LY96: variants seen among roughly 807,000 people sequenced by gnomAD.
LY96 encodes myeloid differentiation protein-2.
A neutral mutation model predicts 18.9 loss-of-function variants in LY96; 18 were observed. That is an observed-to-expected ratio of 0.95 (90% CI 0.66 to 1.41). The LOEUF (loss-of-function observed/expected upper bound fraction) is 1.41, where lower values mean the gene tolerates loss of function less well. Ranked by LOEUF, LY96 falls within the 40% of genes most tolerant of loss-of-function variation. The pLI is 0.00. For synonymous variants in LY96, 66 were observed against 62.6 expected, an observed-to-expected ratio of 1.06 and a Z score of -0.26; for missense variants, 175 against 182.4, an observed-to-expected ratio of 0.96 and a Z score of 0.23.
the LY96 span, among the ~76,000 whole-genome samples, chr8:74,069,395 C>T: frequency 6.6e-6 from 1 of 151,998 alleles, no homozygotes; most frequent in South Asian, 2.1e-4. Flanking sequence ...AGAAGTGTGC[C>T]CTTCATGCAC....
the LY96 span, among the ~76,000 whole-genome samples, chr8:74,083,865 T>G: frequency 6.6e-6 from 1 of 151,898 alleles, no homozygotes; most frequent in Non-Finnish European, 1.5e-5. Context: ...CTAATTTTTT[T>G]TTTTAGAGAT....
chr8:74,024,273 T>C (rs1469375317), intron 3 of LY96, among the ~76,000 whole-genome samples: 1 of 151,658 alleles, frequency 6.6e-6, no homozygotes, highest in Non-Finnish European at 1.5e-5. Context: ...AAATGAAATA[T>C]GATTCAATTT....
chr8:74,099,379 A>G, the LY96 span: 1 of 152,236 alleles, frequency 6.6e-6, no homozygotes, highest in Admixed American at 6.5e-5. Context: ...TCTGCTGCTG[A>G]TATCAACCAA....
chr8:74,088,083 A>AAGAAAAGAATAGAATAGAAT, the LY96 span, among the ~76,000 whole-genome samples: 6 of 120,428 alleles, frequency 5.0e-5, no homozygotes, highest in Non-Finnish European at 8.6e-5. Context: ...TCACTGAGAG[A>AAGAAAAGAATAGAATAGAAT]AGAATAGAAT....
the LY96 span, among the ~76,000 whole-genome samples, chr8:74,062,894 A>T: frequency 6.6e-6 from 1 of 152,190 alleles, no homozygotes; most frequent in Non-Finnish European, 1.5e-5. Context: ...TATGCTATTA[A>T]TGTACAACTT....
the LY96 span, among the ~76,000 whole-genome samples, chr8:74,068,994 C>T: frequency 6.6e-6 from 1 of 152,172 alleles, no homozygotes; most frequent in African/African-American, 2.4e-5. Flanking sequence ...AGGGTTTCAC[C>T]ACGTTGGTCT....
At chr8:74,007,316 G>T (rs1046515773) in intron 2 of LY96, among the ~76,000 whole-genome samples, 13 of 152,294 alleles carry the variant, frequency 8.5e-5, no homozygotes, top group South Asian at 8.3e-4. Flanking sequence ...AGGGAAATTT[G>T]AGGGACATAC....
Position 74,012,196 on chromosome 8 carries a change from C to T in LY96, c.331+2067C>T, listed in dbSNP as rs139268367. Among the ~76,000 whole-genome samples, 2 of 152,190 alleles carry T rather than the reference C, an allele frequency of 1.3e-5. 1 individual carries two copies. The highest frequency in any genetic ancestry group is 2.9e-5 in the Non-Finnish European group (2 of 67,998). On this transcript the variant is annotated intron_variant, in intron 3 of 4. Coordinates refer to ENST00000284818, the MANE Select transcript of LY96 (RefSeq NM_015364.5). ...GCAATTTCACTACTAGGTATCTACT[C>T]AAAGGAAAAGAAATCAATATATCAA...
chr8:74,037,860 A>T, the LY96 span, among the ~76,000 whole-genome samples: 1 of 152,114 alleles, frequency 6.6e-6, no homozygotes, highest in Non-Finnish European at 1.5e-5. Flanking sequence ...CTAATTTCAG[A>T]TTCTAGCCCT....
the LY96 span, among the ~76,000 whole-genome samples, chr8:74,081,048 T>TTC: frequency 2.9e-3 from 280 of 96,850 alleles, 3 homozygotes; most frequent in African/African-American, 8.0e-3. Context: ...CTTTCTTTCT[T>TTC]TTTCTTTCTT....
chr8:74,079,972 C>T, the LY96 span, among the ~76,000 whole-genome samples: 1 of 152,084 alleles, frequency 6.6e-6, no homozygotes, highest in Non-Finnish European at 1.5e-5. Context: ...TGGGATACTC[C>T]AATGAGGACA....
intron 3 of LY96, among the ~76,000 whole-genome samples, chr8:74,010,850 A>T (rs1816516251): frequency 6.7e-6 from 1 of 149,464 alleles, no homozygotes; most frequent in Non-Finnish European, 1.5e-5. Flanking sequence ...CTAAGACATG[A>T]CTCTCCTACT....
the LY96 span, among the ~76,000 whole-genome samples, chr8:74,062,306 G>T: frequency 0.02 from 3,070 of 152,084 alleles, 113 homozygotes; most frequent in African/African-American, 0.069. Flanking sequence ...GTAAATGTGT[G>T]CCATGGTGGT....
the LY96 span, among the ~76,000 whole-genome samples, chr8:74,034,687 T>C: frequency 6.6e-6 from 1 of 152,200 alleles, no homozygotes; most frequent in Non-Finnish European, 1.5e-5. Context: ...AGAGTAGAGA[T>C]GCGAATCTCC....
the LY96 span, among the ~76,000 whole-genome samples, chr8:74,066,711 T>G: frequency 5.3e-5 from 8 of 152,136 alleles, no homozygotes; most frequent in African/African-American, 1.9e-4. Context: ...TTTAAAGATT[T>G]CCCTGGAGGC....
the LY96 span, among the ~76,000 whole-genome samples, chr8:74,086,365 G>A: frequency 5.9e-5 from 9 of 152,254 alleles, no homozygotes; most frequent in South Asian, 1.5e-3. Flanking sequence ...TGGGCACTCC[G>A]GAAGCCTTTG....
At chr8:74,087,815 A>G in the LY96 span, among the ~76,000 whole-genome samples, 1 of 152,178 alleles carries the variant, frequency 6.6e-6, no homozygotes, top group Non-Finnish European at 1.5e-5. Context: ...TCACCTTGCT[A>G]TAAACATTGC....
chr8:74,018,854 A>T (rs930238807), intron 3 of LY96, among the ~76,000 whole-genome samples: 3 of 152,220 alleles, frequency 2.0e-5, no homozygotes, highest in African/African-American at 7.2e-5. Context: ...AGGCAGAAAT[A>T]AAGATATTCT....
the LY96 span, among the ~76,000 whole-genome samples, chr8:74,080,166 C>T: frequency 5.9e-5 from 9 of 152,182 alleles, no homozygotes; most frequent in Admixed American, 2.0e-4. Context: ...CCCTGGAAGG[C>T]AGCTGAGGCT....
Sources: gnomAD v4.1 joint callset for allele counts (sites outside exome capture counted in the v4.1 genomes callset) on GRCh38, gnomAD v4.1.1 for gene constraint, MANE v1.5 for transcripts, NCBI Gene and HGNC (gene_info 2026-07-23, HGNC 2026-07-21) for gene names.